Variants in TNRC6A observed in about 807,000 individuals in gnomAD.
TNRC6A encodes trinucleotide repeat containing adaptor 6A, also known as trinucleotide repeat-containing gene 6A protein.
Under a neutral mutation model 221.2 loss-of-function variants are expected in TNRC6A, and 44 were observed. The ratio of observed to expected loss-of-function variants is 0.20; its 90% CI spans 0.16 to 0.26. The LOEUF (loss-of-function observed/expected upper bound fraction) is 0.26. Ranked by LOEUF, TNRC6A falls within the 10% of genes least tolerant of loss-of-function variation. The probability of loss-of-function intolerance (pLI) is 1.00; values close to 1 mark genes in which losing one functional copy is unlikely to be tolerated. For synonymous variants in TNRC6A, 847 were observed against 838.5 expected, an observed-to-expected ratio of 1.01 and a Z score of -0.18; for missense variants, 2,199 against 2,404.4, an observed-to-expected ratio of 0.91 and a Z score of 1.79.
chr16:24,689,690 G>A (rs898305814), intron 2 of TNRC6A, among the ~76,000 whole-genome samples: 1 of 151,896 alleles, frequency 6.6e-6, no homozygotes, highest in African/African-American at 2.4e-5. Context: ...TTTAGTGGAG[G>A]AACAGACAAT....
chr16:24,673,795 C>T (rs12446931), intron 2 of TNRC6A, among the ~76,000 whole-genome samples: 13,520 of 152,180 alleles, frequency 0.089, 862 homozygotes, highest in East Asian at 0.21. Context: ...TGGGCTCAAG[C>T]GAACTACCCA....
In TNRC6A at chr16:24,729,718, C is replaced by CGGT; in HGVS notation, c.-124_-123insGGT. On this transcript the variant is annotated 5_prime_UTR_variant, in exon 1 of 25. Transcript: ENST00000395799. Reference sequence around the variant, plus strand: ...GCGGCGGCGGCGGCGGCGGCGGCGGCAGCGGGTCGGTGTAGAAAATGGCGC... The same window carrying CGGT: ...GCGGCGGCGGCGGCGGCGGCGGCGGCGGTAGCGGGTCGGTGTAGAAAATGGCGC... 2.6e-6 allele frequency: 3 copies of CGGT among 1,136,772 alleles called. No individual in the cohort carries two copies. Among genetic ancestry groups the CGGT allele is most frequent in the Non-Finnish European group, 3.4e-6 (3 of 886,480 alleles). 70.4% of individuals were successfully genotyped at this position (1,136,772 alleles called of 1,614,324 possible).
rs923828264 is a variant in TNRC6A at position 24,614,721 on chromosome 16, C to T, written n.276+4237C>T. ...AGGCAAGAGCACATGCAAAGGCCCCCAGGCAGGAAGCCTGGGGCTTATTTG... is the reference window on the plus strand; with the variant it reads ...AGGCAAGAGCACATGCAAAGGCCCCTAGGCAGGAAGCCTGGGGCTTATTTG... On this transcript the variant is annotated intron_variant and non_coding_transcript_variant, in intron 1 of 2. Coordinates refer to the TNRC6A transcript ENST00000566108. Among the ~76,000 whole-genome samples the T allele has an allele frequency of 5.3e-5, 8 of 152,214 alleles. 1 individual carries two copies. The highest frequency in any genetic ancestry group is 1.9e-4 in the African/African-American group (8 of 41,440).
In TNRC6A at chr16:24,649,466, AC is replaced by A. The variant is rs543270940; in HGVS notation, n.402+8460del. Among the ~76,000 whole-genome samples the A allele has an allele frequency of 1.2e-4, 18 of 151,824 alleles. No homozygotes were observed. In the East Asian group the frequency reaches 3.3e-3, roughly 28 times the overall value. The stretch of plus-strand genomic sequence containing the variant: ...TGGGACCACAGATGTGCACCACCAC[AC>A]CCAGCTAATTTTTTTATTTTTTGTA... On this transcript the variant is annotated intron_variant and non_coding_transcript_variant, in intron 2 of 2. Transcript: ENST00000566108.
At chr16:24,744,881 A>G (rs923520667) in intron 2 of TNRC6A, among the ~76,000 whole-genome samples, 3 of 152,168 alleles carry the variant, frequency 2.0e-5, no homozygotes, top group Admixed American at 6.5e-5. Flanking sequence ...ATATATATTC[A>G]TATCCCTCCC....
chr16:24,649,953 A>G (rs895308718), intron 2 of TNRC6A, among the ~76,000 whole-genome samples: 28 of 149,898 alleles, frequency 1.9e-4, no homozygotes, highest in African/African-American at 6.6e-4. Context: ...TCTCCTGAGT[A>G]GCTGGTATTA....
chr16:24,675,992 T>G (rs978652961), intron 2 of TNRC6A, among the ~76,000 whole-genome samples: 1 of 151,372 alleles, frequency 6.6e-6, no homozygotes, highest in Non-Finnish European at 1.5e-5. Context: ...TTAGAACTAT[T>G]CCCCACCAAT....
In TNRC6A at chr16:24,818,599, C is replaced by T. The variant is rs1220253323; in HGVS notation, c.4979C>T (p.Ser1660Phe). 6.2e-7 allele frequency: 1 copy of T among 1,613,968 alleles called. No individual in the cohort carries two copies. The highest frequency in any genetic ancestry group is 8.5e-7 in the Non-Finnish European group (1 of 1,179,944). Residue 1660 changes from serine to phenylalanine, a missense_variant, in exon 21 of 25, where the codon TCC becomes TTC. Physicochemically the swap from Ser to Phe is radical, Grantham distance 155. Around this residue, in one of 8 missense-constraint regions of TNRC6A, gnomAD observed 449 missense variants for 579.7 expected, o/e 0.77. Coordinates refer to ENST00000395799, the MANE Select transcript of TNRC6A (RefSeq NM_014494.4). ...DHLRDRNSGSSSSLNTTLPST... is the reference protein window; with the variant it reads ...DHLRDRNSGSFSSLNTTLPST... ...GGACTCTTCCCCCACACAGGGTCAT[C>T]CTCATCCTTGAACACCACGCTGCCT...
chr16:24,770,124 C>CA (rs757501582), intron 4 of TNRC6A, among the ~76,000 whole-genome samples: 1 of 151,956 alleles, frequency 6.6e-6, no homozygotes, highest in Admixed American at 6.6e-5. Flanking sequence ...GCAAAAACGA[C>CA]AAAAATATTT....
At chr16:24,783,794 A>G (rs574520028) in intron 5 of TNRC6A, among the ~76,000 whole-genome samples, 7 of 152,244 alleles carry the variant, frequency 4.6e-5, no homozygotes, top group Admixed American at 2.6e-4. Flanking sequence ...TACTCTACTT[A>G]ATGATGTTCC....
intron 4 of TNRC6A, among the ~76,000 whole-genome samples, chr16:24,760,506 G>T (rs1360533430): frequency 6.6e-6 from 1 of 152,166 alleles, no homozygotes; most frequent in East Asian, 1.9e-4. Flanking sequence ...AATACATTTT[G>T]TTGTTTTGCC....
At position 24,806,676 on chromosome 16, in the gene TNRC6A, C is replaced by T. The variant is rs752187696; in HGVS notation, c.4432C>T (p.Leu1478Phe). The T allele has an allele frequency of 6.2e-7, 1 of 1,614,220 alleles. No individual in the cohort carries two copies. ...GACTCCACCATCTCAGCAGCAGCCA[C>T]TCCATCAGCCAGCCATGAAGTCTTT... Reference protein sequence around the residue: ...QQTPPSQQQPLHQPAMKSFLD... With the variant: ...QQTPPSQQQPFHQPAMKSFLD... Residue 1478 changes from leucine (L) to phenylalanine (F), a missense_variant, in exon 17 of 25, where the codon CTC (leucine) becomes TTC (phenylalanine). Transcript: ENST00000395799.
At chr16:24,628,240 G>A (rs1901137404) in intron 1 of TNRC6A, among the ~76,000 whole-genome samples, 1 of 151,174 alleles carries the variant, frequency 6.6e-6, no homozygotes, top group Non-Finnish European at 1.5e-5. Flanking sequence ...CCAACATGGT[G>A]AAACCCCGTC....
At chr16:24,655,475 G>A (rs1420765545) in intron 2 of TNRC6A, among the ~76,000 whole-genome samples, 1 of 152,246 alleles carries the variant, frequency 6.6e-6, no homozygotes, top group Non-Finnish European at 1.5e-5. Context: ...GATCACCTGA[G>A]GTCAGGAGTT....
At chr16:24,690,322 T>A (rs2055730050) in intron 2 of TNRC6A, among the ~76,000 whole-genome samples, 1 of 151,786 alleles carries the variant, frequency 6.6e-6, no homozygotes, top group Non-Finnish European at 1.5e-5. Flanking sequence ...GAAAAAAAAA[T>A]TTTAATGGAA....
intron 1 of TNRC6A, among the ~76,000 whole-genome samples, chr16:24,637,174 AG>A (rs1162680567): frequency 6.6e-6 from 1 of 152,154 alleles, no homozygotes; most frequent in Non-Finnish European, 1.5e-5. Flanking sequence ...CTGGGACTTC[AG>A]GTGCATACCA....
chr16:24,790,994 CGATCCCAAACCTGCTCTGAGGTGGGGA>C lies in TNRC6A; in HGVS notation c.2356_2382del (p.Pro786_Asp794del). ...ATACCTCATCTGTATCAGGGTGGGG[CGATCCCAAACCTGCTCTGAGGTGGGGA>C]GATTCCAAAGGCTCAAACTGCCAGG... On this transcript the variant is annotated inframe_deletion, in exon 6 of 25. Transcript: ENST00000395799. 1.3e-6 allele frequency: 2 copies of C among 1,597,464 alleles called. No individual in the cohort carries two copies. The highest frequency in any genetic ancestry group is 8.5e-7 in the Non-Finnish European group (1 of 1,171,796).
intron 5 of TNRC6A, among the ~76,000 whole-genome samples, chr16:24,783,762 T>C (rs905626549): frequency 6.6e-6 from 1 of 152,200 alleles, no homozygotes; most frequent in Admixed American, 6.5e-5. Flanking sequence ...TTCTCATTAT[T>C]TCCTGGAAAG....
upstream of TNRC6A, among the ~76,000 whole-genome samples, chr16:24,726,547 C>T (rs114712105): frequency 3.4e-3 from 523 of 152,122 alleles, 5 homozygotes; most frequent in African/African-American, 0.011. Flanking sequence ...AAGTCATTTG[C>T]GACCTTCATA....
Sources: gnomAD v4.1 joint callset for allele counts (sites outside exome capture counted in the v4.1 genomes callset) on GRCh38, gnomAD v4.1.1 for gene constraint, gnomAD v4.1.1 regional missense constraint, MANE v1.5 for transcripts, NCBI Gene and HGNC (gene_info 2026-07-23, HGNC 2026-07-21) for gene names.